ERC2: variants seen among roughly 807,000 people sequenced by gnomAD.
ERC2 encodes the protein ELKS/RAB6-interacting/CAST family member 2, also known as ERC protein 2.
ERC2 carries 42 observed loss-of-function variants against 114.8 expected under a neutral mutation model. The observed-to-expected ratio is 0.37, with a 90% CI of 0.29 to 0.47. The LOEUF is 0.47. Ranked by LOEUF, ERC2 falls within the 20% of genes least tolerant of loss-of-function variation. ERC2 has a pLI of 0.99. For missense variants in ERC2, 939 were observed against 1,150.7 expected (o/e 0.82, Z 2.66); for synonymous variants, 454 against 425.5 (o/e 1.07, Z -0.82).
At chr3:56,190,736 G>A (rs2083940509) in intron 3 of ERC2, among the ~76,000 whole-genome samples, 1 of 152,066 alleles carries the variant, frequency 6.6e-6, no homozygotes, top group Non-Finnish European at 1.5e-5. Context: ...ACCACACCCA[G>A]ATAATTTTTT....
intron 8 of ERC2, among the ~76,000 whole-genome samples, chr3:56,017,010 G>A (rs9850937): frequency 0.35 from 53,907 of 151,992 alleles, 10,808 homozygotes; most frequent in African/African-American, 0.53. Context: ...AAAAATGATG[G>A]GAAAGATGAA....
intron 3 of ERC2, among the ~76,000 whole-genome samples, chr3:56,248,583 C>T (rs775909857): frequency 1.3e-5 from 2 of 152,208 alleles, no homozygotes; most frequent in African/African-American, 4.8e-5. Context: ...CTTTCAATAG[C>T]GTCCCATCCT....
intron 14 of ERC2, among the ~76,000 whole-genome samples, chr3:55,769,220 G>T (rs1220854669): frequency 6.6e-6 from 1 of 152,128 alleles, no homozygotes; most frequent in Non-Finnish European, 1.5e-5. Flanking sequence ...TAACATTAAA[G>T]AAGTCTGTCT....
intron 3 of ERC2, among the ~76,000 whole-genome samples, chr3:56,207,276 T>C (rs1268822021): frequency 6.6e-6 from 1 of 152,124 alleles, no homozygotes; most frequent in Non-Finnish European, 1.5e-5. Flanking sequence ...TAACATGATT[T>C]TTTAAATTAA....
intron 3 of ERC2, among the ~76,000 whole-genome samples, chr3:56,271,006 C>A (rs908902297): frequency 2.0e-5 from 3 of 151,770 alleles, no homozygotes; most frequent in African/African-American, 4.8e-5. Context: ...AACAAACAAA[C>A]AAAAAAAACC....
chr3:56,134,408 G>T (rs1302713232), intron 6 of ERC2, among the ~76,000 whole-genome samples: 1 of 152,148 alleles, frequency 6.6e-6, no homozygotes, highest in Non-Finnish European at 1.5e-5. Context: ...CACATAGTAG[G>T]CATTCAAAAA....
intron 3 of ERC2, among the ~76,000 whole-genome samples, chr3:56,203,554 TA>T (rs759264487): frequency 1.4e-4 from 21 of 152,144 alleles, no homozygotes; most frequent in Non-Finnish European, 2.6e-4. Flanking sequence ...AAATACCAAT[TA>T]AAATGTTCCA....
At chr3:56,389,208 A>G (rs1449513048) in intron 2 of ERC2, among the ~76,000 whole-genome samples, 2 of 152,128 alleles carry the variant, frequency 1.3e-5, no homozygotes, top group Non-Finnish European at 2.9e-5. Flanking sequence ...ATTGCATGGG[A>G]GGAGGGAAAT....
At chr3:56,436,385 T>A (rs891316154) in intron 1 of ERC2, among the ~76,000 whole-genome samples, 3 of 152,210 alleles carry the variant, frequency 2.0e-5, no homozygotes, top group Non-Finnish European at 4.4e-5. Context: ...AGTCAATAAA[T>A]AGATTTTGAA....
chr3:56,143,160 A>T (rs2080957143), intron 5 of ERC2, among the ~76,000 whole-genome samples: 3 of 152,198 alleles, frequency 2.0e-5, no homozygotes, highest in Admixed American at 2.0e-4. Context: ...CTGCACTAGC[A>T]GTATAGCTGT....
intron 6 of ERC2, among the ~76,000 whole-genome samples, chr3:56,117,758 G>A (rs184080696): frequency 6.6e-6 from 1 of 152,318 alleles, no homozygotes; most frequent in East Asian, 1.9e-4. Flanking sequence ...CACATTCGAT[G>A]AGCACCTGCT....
At chr3:56,158,328 T>G (rs376314753) in intron 4 of ERC2, among the ~76,000 whole-genome samples, 1 of 152,332 alleles carries the variant, frequency 6.6e-6, no homozygotes, top group East Asian at 1.9e-4. Context: ...TTTTCTCCAC[T>G]GTTTTCTCCT....
At chr3:56,404,901 G>T (rs1398704005) in intron 2 of ERC2, among the ~76,000 whole-genome samples, 2 of 152,158 alleles carry the variant, frequency 1.3e-5, no homozygotes, top group Non-Finnish European at 2.9e-5. Context: ...TTCTGGCTGG[G>T]ATAATTAGAA....
intron 2 of ERC2, among the ~76,000 whole-genome samples, chr3:56,385,684 C>T (rs1038024401): frequency 6.6e-6 from 1 of 152,170 alleles, no homozygotes; most frequent in Non-Finnish European, 1.5e-5. Context: ...GGGGAACTCA[C>T]TAATTTTAGA....
chr3:56,176,767 T>C (rs1400887651), intron 3 of ERC2, among the ~76,000 whole-genome samples: 1 of 152,192 alleles, frequency 6.6e-6, no homozygotes, highest in Non-Finnish European at 1.5e-5. Flanking sequence ...CAATACTCAC[T>C]CTGTGGTAGA....
At chr3:56,192,213 T>C (rs1560342500) in intron 3 of ERC2, among the ~76,000 whole-genome samples, 1 of 152,154 alleles carries the variant, frequency 6.6e-6, no homozygotes, top group Non-Finnish European at 1.5e-5. Context: ...GGGCAGAATG[T>C]GGCACTCTGC....
At chr3:56,319,282 T>C (rs188937787) in intron 2 of ERC2, among the ~76,000 whole-genome samples, 1 of 151,114 alleles carries the variant, frequency 6.6e-6, no homozygotes, top group Non-Finnish European at 1.5e-5. Flanking sequence ...ATGTGGTATA[T>C]ACACACAACA....
intron 13 of ERC2, among the ~76,000 whole-genome samples, chr3:55,923,509 T>C (rs900261235): frequency 1.1e-4 from 16 of 152,094 alleles, no homozygotes; most frequent in African/African-American, 3.6e-4. Flanking sequence ...TGTTATGTTA[T>C]ATATATTTTG....
chr3:56,099,602 C>T (rs984923603), intron 6 of ERC2, among the ~76,000 whole-genome samples: 1 of 152,100 alleles, frequency 6.6e-6, no homozygotes, highest in African/African-American at 2.4e-5. Context: ...AGGGGAAGTA[C>T]ACGGGATCTC....
Sources: allele counts gnomAD v4.1 joint callset (sites outside exome capture counted in the v4.1 genomes callset), GRCh38; gene constraint gnomAD v4.1.1; transcripts MANE v1.5; gene names NCBI Gene and HGNC (gene_info 2026-07-23, HGNC 2026-07-21).